The following UNC79 variants were observed in gnomAD, a reference collection of about 807,000 sequenced individuals.
The protein encoded by UNC79 is unc-79 subunit of NALCN channel complex, also known as protein unc-79 homolog.
A neutral mutation model predicts 283.1 loss-of-function variants in UNC79; 37 were observed. The ratio of observed to expected loss-of-function variants is 0.13; its 90% CI spans 0.10 to 0.17. The LOEUF (loss-of-function observed/expected upper bound fraction) is 0.17. Among genes scored for constraint, UNC79 ranks in the 10% least tolerant of loss-of-function variants. The probability of loss-of-function intolerance (pLI) is 1.00; values close to 1 mark genes in which losing one functional copy is unlikely to be tolerated. For synonymous variants in UNC79, 1,107 were observed against 1,200.2 expected (o/e 0.92, Z 1.61); for missense variants, 2,272 against 3,211.1 (o/e 0.71, Z 7.07).
intron 1 of UNC79, among the ~76,000 whole-genome samples, chr14:93,366,944 A>G (rs2054348385): frequency 6.6e-6 from 1 of 152,168 alleles, no homozygotes; most frequent in South Asian, 2.1e-4. Context: ...AAAAGACAGT[A>G]TTACCAAGGA....
chr14:93,667,182 G>A (rs1029275203), intron 40 of UNC79, among the ~76,000 whole-genome samples: 1 of 148,888 alleles, frequency 6.7e-6, no homozygotes, highest in Non-Finnish European at 1.5e-5. Context: ...GAAGGAGAGG[G>A]AGAGAAGGAG....
chr14:93,497,389 C>A, intron 7 of UNC79, 103 bp downstream of exon 7: 1 of 1,383,500 alleles, frequency 7.2e-7, no homozygotes, highest in Non-Finnish European at 9.5e-7. Flanking sequence ...ATTATATTTT[C>A]TATGCCTTTG....
At chr14:93,413,950 G>T (rs926747722) in intron 1 of UNC79, among the ~76,000 whole-genome samples, 1 of 150,046 alleles carries the variant, frequency 6.7e-6, no homozygotes, top group Admixed American at 6.7e-5. Flanking sequence ...TGAGTAGGTT[G>T]TGAAAATTTT....
intron 1 of UNC79, among the ~76,000 whole-genome samples, chr14:93,370,794 G>A (rs1490908541): frequency 1.3e-5 from 2 of 151,508 alleles, no homozygotes; most frequent in Admixed American, 6.6e-5. Context: ...AAAAAGAAAA[G>A]ATGTATTAAT....
At chr14:93,626,719 C>G (rs144628297) in intron 30 of UNC79, among the ~76,000 whole-genome samples, 88 of 152,026 alleles carry the variant, frequency 5.8e-4, no homozygotes, top group African/African-American at 2.0e-3. Context: ...TGATTGGTAT[C>G]ATTTTAAATT....
In UNC79 at chr14:93,405,087, C is replaced by T. The variant is rs188837724; in HGVS notation, c.-350-62584C>T. On this transcript the variant is annotated intron_variant, in intron 1 of 49. Coordinates refer to the UNC79 transcript ENST00000256339. ...CACCTGAGGTCGGTAGTTCGAGACC[C>T]GCCTGGCCAACGTGGTGAAACCCCT... Among the ~76,000 whole-genome samples, 21 of 151,946 alleles carry T rather than the reference C, an allele frequency of 1.4e-4. No homozygotes were observed. In the East Asian group the frequency reaches 3.5e-3, roughly 25 times the overall value.
intron 13 of UNC79, among the ~76,000 whole-genome samples, chr14:93,541,830 C>G (rs2061387273): frequency 6.6e-6 from 1 of 151,824 alleles, no homozygotes; most frequent in South Asian, 2.1e-4. Flanking sequence ...ACAGTGAAAC[C>G]CTGTCTCGAC....
chr14:93,651,236 G>C (rs528054823), intron 35 of UNC79, among the ~76,000 whole-genome samples: 1 of 152,164 alleles, frequency 6.6e-6, no homozygotes, highest in East Asian at 1.9e-4. Flanking sequence ...TCCAAATTTA[G>C]TTATCTTTTT....
chr14:93,516,108 T>G (rs1243085522), intron 7 of UNC79, among the ~76,000 whole-genome samples: 1 of 152,114 alleles, frequency 6.6e-6, no homozygotes, highest in African/African-American at 2.4e-5. Context: ...TTTTCCGTAT[T>G]GAATTACCTT....
intron 4 of UNC79, among the ~76,000 whole-genome samples, chr14:93,480,085 T>G (rs1290804548): frequency 6.6e-6 from 1 of 152,252 alleles, no homozygotes; most frequent in East Asian, 1.9e-4. Context: ...TCTTTACACT[T>G]AATTATTAAT....
intron 11 of UNC79, among the ~76,000 whole-genome samples, chr14:93,534,280 T>A (rs1037718718): frequency 1.2e-4 from 18 of 152,240 alleles, no homozygotes; most frequent in Non-Finnish European, 2.2e-4. Flanking sequence ...CTGAGACATC[T>A]TTTCTTTTCA....
chr14:93,619,813 T>C (rs1487112691), intron 29 of UNC79, among the ~76,000 whole-genome samples: 1 of 152,160 alleles, frequency 6.6e-6, no homozygotes, highest in Non-Finnish European at 1.5e-5. Context: ...GTCATATAGG[T>C]AGATGTAAAT....
At chr14:93,660,563 A>ATATATATATATATATATATATATG (rs1203621990) in intron 39 of UNC79, among the ~76,000 whole-genome samples, 1 of 64,776 alleles carries the variant, frequency 1.5e-5, no homozygotes, top group Non-Finnish European at 2.9e-5. Context: ...ATATATATAT[A>ATATATATATATATATATATATATG]TGTGTGTGTG....
intron 44 of UNC79, chr14:93,689,131 A>G: frequency 7.1e-6 from 3 of 420,600 alleles, no homozygotes; most frequent in East Asian, 7.4e-5. Context: ...GATTTCAACT[A>G]GTTAAGTAAA....
chr14:93,585,620 A>G (rs907938249), intron 20 of UNC79, among the ~76,000 whole-genome samples: 3 of 152,184 alleles, frequency 2.0e-5, no homozygotes, highest in African/African-American at 7.2e-5. Context: ...CAAAACGTGT[A>G]ATGGTGATTT....
chr14:93,496,617 GTTAA>G (rs761651750), intron 6 of UNC79, 151 bp downstream of exon 6: 6 of 474,108 alleles, frequency 1.3e-5, no homozygotes, highest in South Asian at 7.1e-5. Flanking sequence ...TTCTTTAATG[GTTAA>G]TTATTTATCA....
At chr14:93,645,564 C>T (rs923557659) in intron 34 of UNC79, among the ~76,000 whole-genome samples, 12 of 152,134 alleles carry the variant, frequency 7.9e-5, no homozygotes, top group African/African-American at 2.4e-4. Flanking sequence ...TGTTTATTTG[C>T]GCTAATTATG....
intron 1 of UNC79, among the ~76,000 whole-genome samples, chr14:93,443,223 CTAAATAAATAAATAAA>C (rs58351659): frequency 6.9e-6 from 1 of 144,644 alleles, no homozygotes; most frequent in South Asian, 2.3e-4. Context: ...GAGTCAGTCT[CTAAATAAATAAATAAA>C]TAAATAAATA....
intron 14 of UNC79, among the ~76,000 whole-genome samples, chr14:93,558,424 C>A (rs1400366584): frequency 6.6e-6 from 1 of 151,846 alleles, no homozygotes; most frequent in Admixed American, 6.6e-5. Context: ...GGTGCGGTGG[C>A]GGGTGCCTGT....
Sources: gnomAD v4.1 joint callset for allele counts (sites outside exome capture counted in the v4.1 genomes callset) on GRCh38, gnomAD v4.1.1 for gene constraint, MANE v1.5 for transcripts, NCBI Gene and HGNC (gene_info 2026-07-23, HGNC 2026-07-21) for gene names.